The following CRB1 variants were observed in gnomAD, a reference collection of about 807,000 sequenced individuals.
The protein encoded by CRB1 is protein crumbs homolog 1.
A neutral mutation model predicts 120.0 loss-of-function variants in CRB1; 83 were observed. The observed-to-expected ratio is 0.69, with a 90% CI of 0.58 to 0.83. CRB1 has a LOEUF of 0.83. CRB1 is among the 40% of genes least tolerant of loss of function. The pLI is 0.00. For synonymous variants in CRB1, 625 were observed against 612.5 expected (o/e 1.02, Z -0.30); for missense variants, 1,699 against 1,687.6 (o/e 1.01, Z -0.12).
At chr1:197,440,526 TG>T (rs1558142932) in intron 10 of CRB1, 1 of 152,220 alleles carries the variant, frequency 6.6e-6, no homozygotes. Flanking sequence ...TAGATGTTAA[TG>T]GATTTATTTT....
the CRB1 span, among the ~76,000 whole-genome samples, chr1:197,212,872 AAAAAGAT>A: frequency 2.0e-5 from 3 of 152,168 alleles, no homozygotes; most frequent in Non-Finnish European, 4.4e-5. Flanking sequence ...TTTACTATAT[AAAAAGAT>A]AAAATTTCTA....
At chr1:197,468,242 A>G (rs1224725374) in intron 11 of CRB1, among the ~76,000 whole-genome samples, 1 of 151,848 alleles carries the variant, frequency 6.6e-6, no homozygotes, top group Admixed American at 6.6e-5. Flanking sequence ...TTTTTCCTTC[A>G]TGTTCACCTC....
At chr1:197,215,010 C>T in the CRB1 span, among the ~76,000 whole-genome samples, 3 of 152,104 alleles carry the variant, frequency 2.0e-5, no homozygotes, top group African/African-American at 7.2e-5. Flanking sequence ...GGTATTTTAT[C>T]CCTGGGATGC....
At chr1:197,352,918 G>A (rs1234755255) in intron 4 of CRB1, among the ~76,000 whole-genome samples, 1 of 152,068 alleles carries the variant, frequency 6.6e-6, no homozygotes, top group East Asian at 1.9e-4. Context: ...CCTGGTTTAT[G>A]TGCTAAACTA....
intron 2 of CRB1, among the ~76,000 whole-genome samples, chr1:197,341,257 T>C (rs1659439690): frequency 6.6e-6 from 1 of 152,096 alleles, no homozygotes; most frequent in African/African-American, 2.4e-5. Flanking sequence ...AGGAGGATGA[T>C]CTGGGCCAGA....
the CRB1 span, among the ~76,000 whole-genome samples, chr1:197,213,916 A>G: frequency 6.6e-6 from 1 of 152,142 alleles, no homozygotes; most frequent in Admixed American, 6.5e-5. Flanking sequence ...AAACACCTAC[A>G]TTAAGAAAAA....
In CRB1 at chr1:197,435,204, A is replaced by T. The variant is rs1376159871; in HGVS notation, c.3341A>T (p.His1114Leu). 1 of 1,613,960 alleles carries T rather than the reference A, an allele frequency of 6.2e-7. No homozygotes were observed. Among genetic ancestry groups the T allele is most frequent in the African/African-American group, 1.3e-5 (1 of 75,036 alleles). The stretch of plus-strand genomic sequence containing the variant: ...TATCTCTCTTACTTTGAAAATGTTC[A>T]TGGTTTCATTAATAAACCTCAGGAA... ...GIYLSYFENVHGFINKPQEEQ... is the reference protein window; with the variant it reads ...GIYLSYFENVLGFINKPQEEQ... Residue 1114 changes from histidine (H) to leucine (L), a missense_variant, in exon 9 of 12, where the codon CAT becomes CTT. By Grantham distance (99) the His-to-Leu change is moderately conservative. Transcript: ENST00000367400.
chr1:197,421,449 T>C lies in CRB1; in HGVS notation c.1621T>C (p.Tyr541His), dbSNP rs751498898. 2 of 1,614,248 alleles carry C rather than the reference T, an allele frequency of 1.2e-6. No homozygotes were observed. The highest frequency in any genetic ancestry group is 3.3e-5 in the Admixed American group (2 of 60,032). The change falls in exon 6 of 12, where the codon TAC (tyrosine) becomes CAC (histidine). Residue 541 changes from tyrosine to histidine, a missense_variant. Physicochemically the swap from Tyr to His is moderately conservative, Grantham distance 83 (BLOSUM62 2). Transcript: ENST00000367400. ...VFVKLELLSGYIHLSIQVNNQ... is the reference protein window; with the variant it reads ...VFVKLELLSGHIHLSIQVNNQ... The stretch of plus-strand genomic sequence containing the variant: ...TGTGAAGCTGGAGCTGCTAAGTGGC[T>C]ACATTCACTTATCAATTCAGGTCAA...
chr1:197,315,532 G>A (rs1304336935), intron 1 of CRB1, among the ~76,000 whole-genome samples: 1 of 152,152 alleles, frequency 6.6e-6, no homozygotes, highest in East Asian at 1.9e-4. Flanking sequence ...ATCCACATGT[G>A]TGGAGAAAAG....
At chr1:197,342,260 A>G (rs1659508915) in intron 2 of CRB1, among the ~76,000 whole-genome samples, 1 of 152,124 alleles carries the variant, frequency 6.6e-6, no homozygotes, top group Non-Finnish European at 1.5e-5. Flanking sequence ...CCTTTCTACT[A>G]TTGAATTTTT....
the CRB1 span, chr1:197,222,942 A>T: frequency 1.1e-6 from 1 of 924,162 alleles, no homozygotes; most frequent in Middle Eastern, 2.2e-4. Context: ...GACGCTCTGC[A>T]AGAGTTTGCA....
At chr1:197,405,037 TCGCCC>T in intron 5 of CRB1, among the ~76,000 whole-genome samples, 1 of 143,790 alleles carries the variant, frequency 7.0e-6, no homozygotes. Context: ...AATAATGTGC[TCGCCC>T]TCGCCCTCTC....
chr1:197,315,876 T>G (rs923777383), intron 1 of CRB1, among the ~76,000 whole-genome samples: 1 of 152,222 alleles, frequency 6.6e-6, no homozygotes, highest in Non-Finnish European at 1.5e-5. Context: ...AAATAAAATG[T>G]TTAAGATATA....
At chr1:197,382,951 C>G (rs1173987021) in intron 5 of CRB1, among the ~76,000 whole-genome samples, 1 of 152,138 alleles carries the variant, frequency 6.6e-6, no homozygotes, top group Non-Finnish European at 1.5e-5. Context: ...TCCAAATCAT[C>G]CATTCTGCAG....
intron 8 of CRB1, among the ~76,000 whole-genome samples, chr1:197,433,978 A>G (rs1431494436): frequency 6.6e-6 from 1 of 152,166 alleles, no homozygotes; most frequent in Non-Finnish European, 1.5e-5. Flanking sequence ...ATATTTTAAG[A>G]GACAGAACAA....
intron 1 of CRB1, among the ~76,000 whole-genome samples, chr1:197,301,828 T>C (rs1656879486): frequency 6.6e-6 from 1 of 151,990 alleles, no homozygotes; most frequent in African/African-American, 2.4e-5. Context: ...CCTGAAGATG[T>C]GACTGAATAG....
At chr1:197,320,007 T>G (rs1658099248) in intron 1 of CRB1, among the ~76,000 whole-genome samples, 2 of 152,224 alleles carry the variant, frequency 1.3e-5, no homozygotes, top group African/African-American at 4.8e-5. Flanking sequence ...AAAATCTTGC[T>G]TTTGTTTTGT....
intron 1 of CRB1, among the ~76,000 whole-genome samples, chr1:197,307,562 A>T (rs1287675723): frequency 6.6e-6 from 1 of 152,238 alleles, no homozygotes; most frequent in African/African-American, 2.4e-5. Context: ...GAAGTTCAGT[A>T]TGAAAGTAAC....
chr1:197,254,930 T>A, the CRB1 span, among the ~76,000 whole-genome samples: 1 of 152,042 alleles, frequency 6.6e-6, no homozygotes, highest in African/African-American at 2.4e-5. Flanking sequence ...TTCAACAGGG[T>A]CTAATTTTTT....
Sources: gnomAD v4.1 joint callset for allele counts (sites outside exome capture counted in the v4.1 genomes callset) on GRCh38, gnomAD v4.1.1 for gene constraint, MANE v1.5 for transcripts, NCBI Gene and HGNC (gene_info 2026-07-23, HGNC 2026-07-21) for gene names.